The following NPIPB6 variants were observed in gnomAD, a reference collection of about 807,000 sequenced individuals.
The protein encoded by NPIPB6 is nuclear pore complex interacting protein family member B6.
Under a neutral mutation model 20.0 loss-of-function variants are expected in NPIPB6, and 2 were observed. The ratio of observed to expected loss-of-function variants is 0.10; its 90% CI spans 0.04 to 0.31. NPIPB6 has a LOEUF of 0.31. NPIPB6 is among the 10% of genes least tolerant of loss of function. The pLI is 1.00. For missense variants in NPIPB6, 96 were observed against 293.7 expected (o/e 0.33, Z 4.92); for synonymous variants, 35 against 116.3 (o/e 0.30, Z 4.50).
intron 4 of NPIPB6, among the ~76,000 whole-genome samples, chr16:28,348,367 G>A (rs2045139038): frequency 9.5e-6 from 1 of 105,250 alleles, no homozygotes; most frequent in East Asian, 2.6e-4. Context: ...ATTACCTGAG[G>A]TCAGAAGTTC....
At chr16:28,348,008 G>A (rs2045124563) in intron 4 of NPIPB6, among the ~76,000 whole-genome samples, 2 of 119,704 alleles carry the variant, frequency 1.7e-5, no homozygotes, top group Admixed American at 1.9e-4. Flanking sequence ...TACTCAAGAG[G>A]CTGAGGGATA....
intron 1 of NPIPB6, among the ~76,000 whole-genome samples, chr16:28,362,099 AT>A (rs2045454677): frequency 8.3e-6 from 1 of 120,558 alleles, no homozygotes; most frequent in Admixed American, 9.1e-5. Context: ...ATTTTGCAGG[AT>A]AATTTTTTTT....
At position 28,356,630 on chromosome 16, in the gene NPIPB6, C is replaced by T. The variant is rs1272531140; in HGVS notation, c.121-3569G>A. ...ATGATCCTTTCAGGGTGCCCTGAGG[C>T]GGCCAGGACAGAGGTGGAGGTGGCT... On this transcript the variant is annotated intron_variant, in intron 1 of 6. Coordinates refer to ENST00000532254, the Ensembl canonical transcript of NPIPB6. 16 of 201,928 alleles carry T rather than the reference C, an allele frequency of 7.9e-5. 1 individual carries two copies. Among genetic ancestry groups the T allele is most frequent in the Middle Eastern group, 1.3e-3 (1 of 796 alleles). 12.5% of individuals were successfully genotyped at this position (201,928 alleles called of 1,614,324 possible).
chr16:28,353,715 AT>A (rs1205302589), intron 1 of NPIPB6, among the ~76,000 whole-genome samples: 41 of 17,134 alleles, frequency 2.4e-3, no homozygotes, highest in Middle Eastern at 0.013. Flanking sequence ...GTGCCCAGCC[AT>A]TTTTTTTTGT....
chr16:28,361,974 GTTAA>G (rs1284020471), intron 1 of NPIPB6, among the ~76,000 whole-genome samples: 12 of 147,110 alleles, frequency 8.2e-5, no homozygotes, highest in African/African-American at 3.0e-4. Flanking sequence ...ATGTGATGTG[GTTAA>G]TTCTTTTATT....
intron 2 of NPIPB6, among the ~76,000 whole-genome samples, chr16:28,349,564 C>T (rs1175909906): frequency 3.0e-5 from 3 of 100,786 alleles, no homozygotes; most frequent in Non-Finnish European, 6.4e-5. Flanking sequence ...CACACACACA[C>T]ACACACACAC....
At chr16:28,349,476 G>A (rs2045167129) in intron 2 of NPIPB6, among the ~76,000 whole-genome samples, 1 of 99,692 alleles carries the variant, frequency 1.0e-5, no homozygotes, top group East Asian at 2.9e-4. Context: ...ATTTGAAGCT[G>A]GGAGGCGGAG....
intron 1 of NPIPB6, among the ~76,000 whole-genome samples, chr16:28,361,730 A>ATGTGTGTGTG (rs750956017): frequency 3.0e-5 from 3 of 100,884 alleles, no homozygotes; most frequent in African/African-American, 7.8e-5. Flanking sequence ...CTCTCTCTAT[A>ATGTGTGTGTG]TGTGTGTGTG....
chr16:28,342,729 G>C, exon 7 of NPIPB6: 1 of 1,554,546 alleles, frequency 6.4e-7, no homozygotes, highest in African/African-American at 1.4e-5. Flanking sequence ...TTGGGCTTGG[G>C]CGATTGTTCC....
exon 7 of NPIPB6, chr16:28,343,137 G>T (rs1484010239): frequency 6.7e-7 from 1 of 1,496,088 alleles, no homozygotes. Flanking sequence ...GTGAGGTAGG[G>T]CCAGTAGGGC....
At position 28,360,599 on chromosome 16, in the gene NPIPB6, G is replaced by T. The variant is rs2045408747; in HGVS notation, c.120+2104C>A. Among the ~76,000 whole-genome samples the T allele has an allele frequency of 4.3e-5, 6 of 139,640 alleles. No homozygotes were observed. In the South Asian group the frequency reaches 1.3e-3, roughly 31 times the overall value. The allele number at this position is 139,640 out of a possible 152,430, so 91.6% of individuals were successfully genotyped here. ...CCTCTGCCCCTCCACAGTCTCCCAT[G>T]CAGGCTGACACCATATGACAGCCTT... On this transcript the variant is annotated intron_variant, in intron 1 of 6. Transcript: ENST00000532254.
rs1463919766 is a variant in NPIPB6, at chr16:28,349,499, C to G, written c.304-258G>C. On this transcript the variant is annotated intron_variant, in intron 2 of 6. Coordinates refer to ENST00000532254, the Ensembl canonical transcript of NPIPB6. ...CTGGGAGGCGGAGGTTGCAGTGAGC[C>G]GAGATCACACCACTGCACTCCAGCC... Among the ~76,000 whole-genome samples the G allele has an allele frequency of 2.8e-5, 3 of 106,144 alleles. 1 individual carries two copies. Among genetic ancestry groups the G allele is most frequent in the African/African-American group, 9.8e-5 (3 of 30,638 alleles). 69.6% of individuals were successfully genotyped at this position (106,144 alleles called of 152,430 possible). A position where few individuals can be genotyped will look rare whatever the true frequency, so the allele number is the denominator to read the frequency against.
chr16:28,362,391 C>A (rs1041500893), intron 1 of NPIPB6, among the ~76,000 whole-genome samples: 4 of 151,430 alleles, frequency 2.6e-5, no homozygotes, highest in African/African-American at 9.8e-5. Context: ...AGTCACCATG[C>A]CCAGCCTAAA....
Position 28,350,637 on chromosome 16 carries a change from A to G in NPIPB6, c.304-1396T>C, listed in dbSNP as rs1338801774. ...TCAGATGTGGGTCAGATACCTATGA[A>G]TGTCCTGAGGTAGTCATTGAAATGA... On this transcript the variant is annotated intron_variant, in intron 2 of 6. Coordinates refer to ENST00000532254, the Ensembl canonical transcript of NPIPB6. Among the ~76,000 whole-genome samples, 2 of 114,720 alleles carry G rather than the reference A, an allele frequency of 1.7e-5. 1 individual carries two copies. Among genetic ancestry groups the G allele is most frequent in the Non-Finnish European group, 3.8e-5 (2 of 52,928 alleles). 75.3% of individuals were successfully genotyped at this position (114,720 alleles called of 152,430 possible).
At chr16:28,362,728 G>A in exon 1 of NPIPB6, 1 of 1,582,458 alleles carries the variant, frequency 6.3e-7, no homozygotes, top group Non-Finnish European at 8.5e-7. Context: ...GCATGGGCAT[G>A]TCACTGACTT....
rs1356172129 is a variant in NPIPB6, at chr16:28,360,095, GGA to G, written c.120+2606_120+2607del. Among the ~76,000 whole-genome samples the G allele has an allele frequency of 3.3e-4, 46 of 140,132 alleles. No individual in the cohort carries two copies. In the South Asian group the frequency reaches 3.7e-3, roughly 11 times the overall value. 91.9% of individuals were successfully genotyped at this position (140,132 alleles called of 152,430 possible). A position where few individuals can be genotyped will look rare whatever the true frequency, so the allele number is the denominator to read the frequency against. ...AAGAATCAGGCCCCACGCTGTTTTG[GGA>G]GAGTGTTTAGCACAGGAAAATGCAC... On this transcript the variant is annotated intron_variant, in intron 1 of 6. Coordinates refer to ENST00000532254, the Ensembl canonical transcript of NPIPB6.
At chr16:28,343,016 G>A (rs2045028787) in exon 7 of NPIPB6, 2 of 1,495,486 alleles carry the variant, frequency 1.3e-6, no homozygotes, top group Admixed American at 1.8e-5. Context: ...TGGAAGGGGA[G>A]TGAGCAGACA....
chr16:28,355,390 A>T (rs1341146927), intron 1 of NPIPB6, among the ~76,000 whole-genome samples: 1 of 138,270 alleles, frequency 7.2e-6, no homozygotes, highest in African/African-American at 2.8e-5. Context: ...GAAATTCCAG[A>T]ATAAGCAAGC....
At chr16:28,351,372 G>A (rs1234998343) in intron 2 of NPIPB6, among the ~76,000 whole-genome samples, 3 of 45,244 alleles carry the variant, frequency 6.6e-5, no homozygotes, top group African/African-American at 1.2e-4. Flanking sequence ...CCTGGCTCAC[G>A]TGGTGGCTCA....
Sources: gnomAD v4.1 joint callset for allele counts (sites outside exome capture counted in the v4.1 genomes callset) on GRCh38, gnomAD v4.1.1 for gene constraint, MANE v1.5 for transcripts, NCBI Gene and HGNC (gene_info 2026-07-23, HGNC 2026-07-21) for gene names.